Variants in STPG2 observed in about 807,000 individuals in gnomAD.
STPG2 encodes sperm tail PG-rich repeat containing 2.
Under a neutral mutation model 54.2 loss-of-function variants are expected in STPG2, and 56 were observed. The ratio of observed to expected loss-of-function variants is 1.03; its 90% CI spans 0.83 to 1.29. The LOEUF is 1.29. Ranked by LOEUF, STPG2 falls within the 50% of genes most tolerant of loss-of-function variation. The pLI is 0.00. For synonymous variants in STPG2, 200 were observed against 181.8 expected (o/e 1.10, Z -0.81); for missense variants, 596 against 544.9 (o/e 1.09, Z -0.93).
intron 8 of STPG2, among the ~76,000 whole-genome samples, chr4:97,908,044 T>C (rs1196414444): frequency 6.6e-6 from 1 of 152,076 alleles, no homozygotes; most frequent in African/African-American, 2.4e-5. Context: ...AAAGAGCTTC[T>C]GCACAGCAAA....
chr4:98,117,476 G>A (rs1739553956), intron 3 of STPG2, among the ~76,000 whole-genome samples: 1 of 151,876 alleles, frequency 6.6e-6, no homozygotes, highest in Admixed American at 6.6e-5. Flanking sequence ...AATTTGGGAT[G>A]TTTTCAGCCA....
chr4:97,961,208 T>C (rs1167898509), intron 7 of STPG2, among the ~76,000 whole-genome samples: 1 of 151,938 alleles, frequency 6.6e-6, no homozygotes, highest in Non-Finnish European at 1.5e-5. Flanking sequence ...TCAAGATGGG[T>C]CAAGAACTTA....
intron 8 of STPG2, among the ~76,000 whole-genome samples, chr4:97,881,605 T>A (rs974460763): frequency 1.3e-5 from 2 of 152,126 alleles, no homozygotes; most frequent in Admixed American, 1.3e-4. Flanking sequence ...TCATTTACCA[T>A]GAGAAAATAA....
chr4:97,736,009 T>C (rs1277481184), intron 9 of STPG2, among the ~76,000 whole-genome samples: 1 of 152,108 alleles, frequency 6.6e-6, no homozygotes, highest in Non-Finnish European at 1.5e-5. Flanking sequence ...TTCACACTTG[T>C]TAGGATGGCA....
chr4:97,870,979 T>C (rs116257765), intron 8 of STPG2, among the ~76,000 whole-genome samples: 2,793 of 151,038 alleles, frequency 0.018, 78 homozygotes, highest in African/African-American at 0.064. Flanking sequence ...CTGATCATAA[T>C]GAAATAAAAC....
intron 9 of STPG2, among the ~76,000 whole-genome samples, chr4:97,801,084 G>A (rs1355622583): frequency 6.6e-6 from 1 of 152,166 alleles, no homozygotes; most frequent in Non-Finnish European, 1.5e-5. Context: ...GTCTGTCACA[G>A]CTTCTCTTGG....
intron 5 of STPG2, among the ~76,000 whole-genome samples, chr4:98,100,554 G>A (rs929547874): frequency 1.3e-5 from 2 of 150,482 alleles, no homozygotes; most frequent in Non-Finnish European, 2.9e-5. Context: ...ACCATCTATT[G>A]TAAGGGTGCA....
intron 4 of STPG2, among the ~76,000 whole-genome samples, chr4:97,541,834 G>A (rs1238851316): frequency 2.6e-5 from 4 of 152,140 alleles, no homozygotes; most frequent in African/African-American, 9.7e-5. Flanking sequence ...ACAACCTTCT[G>A]ATCTTTGACA....
intron 8 of STPG2, among the ~76,000 whole-genome samples, chr4:97,844,562 A>G (rs1728892735): frequency 6.6e-6 from 1 of 151,964 alleles, no homozygotes; most frequent in African/African-American, 2.4e-5. Flanking sequence ...TGTTTCCACT[A>G]TATAAGTTTC....
chr4:97,803,799 C>T (rs1024334397), intron 9 of STPG2, among the ~76,000 whole-genome samples: 3 of 152,194 alleles, frequency 2.0e-5, no homozygotes, highest in African/African-American at 7.2e-5. Flanking sequence ...CCTAGGCCTC[C>T]CAAAGTGCTG....
chr4:97,640,912 A>AT (rs1721747705), intron 10 of STPG2, among the ~76,000 whole-genome samples: 1 of 151,740 alleles, frequency 6.6e-6, no homozygotes, highest in African/African-American at 2.4e-5. Flanking sequence ...AAGGTTAGGC[A>AT]TAAACATAGA....
chr4:98,070,091 G>A (rs1245619767), intron 5 of STPG2, among the ~76,000 whole-genome samples: 1 of 151,838 alleles, frequency 6.6e-6, no homozygotes, highest in Admixed American at 6.6e-5. Context: ...CAATATTCTT[G>A]ATGAACATCA....
chr4:97,610,179 G>T (rs1733697120), intron 10 of STPG2, among the ~76,000 whole-genome samples: 1 of 152,072 alleles, frequency 6.6e-6, no homozygotes. Context: ...AAATTAGGAT[G>T]AGTGGCCAGG....
intron 9 of STPG2, among the ~76,000 whole-genome samples, chr4:97,718,096 T>C (rs931520360): frequency 3.3e-5 from 5 of 152,106 alleles, no homozygotes; most frequent in African/African-American, 1.2e-4. Flanking sequence ...TTAGCACCAC[T>C]CTATTTAGCA....
intron 4 of STPG2, among the ~76,000 whole-genome samples, chr4:97,537,584 G>A (rs1172970807): frequency 2.6e-5 from 4 of 152,190 alleles, no homozygotes; most frequent in Non-Finnish European, 5.9e-5. Flanking sequence ...AGCTCAAGGA[G>A]GCCTGCCTGC....
intron 8 of STPG2, among the ~76,000 whole-genome samples, chr4:97,918,563 A>G (rs1014999740): frequency 4.6e-5 from 7 of 152,074 alleles, no homozygotes; most frequent in Non-Finnish European, 8.8e-5. Flanking sequence ...AAATAAATAT[A>G]TATGTGTATG....
At chr4:97,895,893 T>A (rs1730936540) in intron 8 of STPG2, among the ~76,000 whole-genome samples, 1 of 151,810 alleles carries the variant, frequency 6.6e-6, no homozygotes. Context: ...ATTTAAGTGG[T>A]CTTGGGTACT....
chr4:97,456,912 T>TAAA (rs1166086887), intron 4 of STPG2, among the ~76,000 whole-genome samples: 1 of 97,208 alleles, frequency 1.0e-5, no homozygotes, highest in African/African-American at 7.1e-5. Flanking sequence ...AAAAGAAAAT[T>TAAA]AAAAAAAAAA....
chr4:97,723,988 A>G (rs572683130), intron 9 of STPG2, among the ~76,000 whole-genome samples: 4 of 152,312 alleles, frequency 2.6e-5, no homozygotes, highest in African/African-American at 9.6e-5. Flanking sequence ...TAAGTTTGTC[A>G]GTTTTCCCAG....
Sources: allele counts gnomAD v4.1 joint callset (sites outside exome capture counted in the v4.1 genomes callset), GRCh38; gene constraint gnomAD v4.1.1; transcripts MANE v1.5; gene names NCBI Gene and HGNC (gene_info 2026-07-23, HGNC 2026-07-21).